FOXP1: variants seen among roughly 807,000 people sequenced by gnomAD.
FOXP1 encodes forkhead box protein P1.
Under a neutral mutation model 98.2 loss-of-function variants are expected in FOXP1, and 15 were observed. The observed-to-expected ratio is 0.15, with a 90% CI of 0.10 to 0.24. The LOEUF is 0.24. FOXP1 is among the 10% of genes least tolerant of loss of function. The pLI is 1.00. For synonymous variants in FOXP1, 371 were observed against 314.5 expected, an observed-to-expected ratio of 1.18 and a Z score of -1.90; for missense variants, 633 against 848.5, an observed-to-expected ratio of 0.75 and a Z score of 3.15.
chr3:71,503,491 C>T (rs112585820), intron 2 of FOXP1, among the ~76,000 whole-genome samples: 30 of 151,738 alleles, frequency 2.0e-4, no homozygotes, highest in African/African-American at 7.0e-4. Context: ...ATCTCAGATA[C>T]CCGGGAGGTT....
chr3:71,490,257 G>A (rs1319683805), intron 3 of FOXP1, among the ~76,000 whole-genome samples: 2 of 152,112 alleles, frequency 1.3e-5, no homozygotes, highest in African/African-American at 4.8e-5. Context: ...AGAACTTTGG[G>A]AGGCTCAGGT....
At chr3:71,054,016 A>G (rs1418668003) in intron 7 of FOXP1, among the ~76,000 whole-genome samples, 1 of 152,250 alleles carries the variant, frequency 6.6e-6, no homozygotes, top group Non-Finnish European at 1.5e-5. Context: ...CAAGCACACA[A>G]AAAGGACAAA....
chr3:71,169,742 T>G (rs1002379555), intron 6 of FOXP1, among the ~76,000 whole-genome samples: 23 of 150,742 alleles, frequency 1.5e-4, no homozygotes, highest in African/African-American at 5.1e-4. Flanking sequence ...CTTTAGGTTT[T>G]CAACATTAGG....
chr3:71,009,940 G>A (rs1184475141), intron 12 of FOXP1, among the ~76,000 whole-genome samples: 1 of 143,860 alleles, frequency 7.0e-6, no homozygotes, highest in African/African-American at 2.7e-5. Context: ...TTTTTTGGCA[G>A]AGATAGGGTC....
At chr3:71,118,026 A>T (rs1465753154) in intron 6 of FOXP1, among the ~76,000 whole-genome samples, 4 of 152,154 alleles carry the variant, frequency 2.6e-5, no homozygotes, top group Non-Finnish European at 5.9e-5. Context: ...CATCACTTTC[A>T]TCTCTTCTGT....
chr3:71,355,453 T>C (rs2078089714), intron 4 of FOXP1, among the ~76,000 whole-genome samples: 2 of 152,004 alleles, frequency 1.3e-5, no homozygotes, highest in Admixed American at 6.6e-5. Context: ...AGCAAAGGCA[T>C]GTTTAAGGGG....
intron 10 of FOXP1, among the ~76,000 whole-genome samples, chr3:71,042,411 C>T (rs1030981259): frequency 2.0e-5 from 3 of 152,124 alleles, no homozygotes; most frequent in Admixed American, 2.0e-4. Flanking sequence ...CTTTATCCTG[C>T]TGGCATGCCT....
chr3:71,241,364 T>C (rs565102520), intron 5 of FOXP1, among the ~76,000 whole-genome samples: 2 of 152,254 alleles, frequency 1.3e-5, no homozygotes, highest in Admixed American at 6.5e-5. Context: ...TTTTAAATAA[T>C]AGGTCCCAAG....
intron 4 of FOXP1, among the ~76,000 whole-genome samples, chr3:71,343,730 C>T (rs1383962867): frequency 6.6e-6 from 1 of 152,062 alleles, no homozygotes; most frequent in East Asian, 1.9e-4. Context: ...TGCGATTTCA[C>T]AAAGCCTAGA....
intron 11 of FOXP1, among the ~76,000 whole-genome samples, chr3:71,035,058 A>C (rs748292778): frequency 1.3e-5 from 2 of 152,144 alleles, no homozygotes; most frequent in East Asian, 3.9e-4. Context: ...TTGCTTCTCA[A>C]ACTTGAACAT....
chr3:71,417,137 C>A (rs1252765480), intron 3 of FOXP1, among the ~76,000 whole-genome samples: 2 of 152,086 alleles, frequency 1.3e-5, no homozygotes, highest in East Asian at 3.9e-4. Context: ...CACTTCAGAC[C>A]ACAGGTGGAG....
chr3:71,492,230 T>C (rs2091110851), intron 3 of FOXP1, among the ~76,000 whole-genome samples: 1 of 152,098 alleles, frequency 6.6e-6, no homozygotes. Context: ...GACGGGCGGA[T>C]CACCTGAGGT....
At chr3:71,091,954 G>A (rs992398805) in intron 7 of FOXP1, among the ~76,000 whole-genome samples, 4 of 152,056 alleles carry the variant, frequency 2.6e-5, no homozygotes, top group Non-Finnish European at 4.4e-5. Flanking sequence ...TTGGGAGGCC[G>A]AGGCAGGCAG....
chr3:71,502,980 G>GAAAAAAAA (rs3037713), intron 2 of FOXP1, among the ~76,000 whole-genome samples: 1 of 141,496 alleles, frequency 7.1e-6, no homozygotes, highest in Non-Finnish European at 1.5e-5. Flanking sequence ...TTTACAATTA[G>GAAAAAAAA]AAAAAAAAAA....
chr3:71,305,630 A>G (rs1288253126), intron 4 of FOXP1: 3 of 152,224 alleles, frequency 2.0e-5, no homozygotes, highest in Non-Finnish European at 4.4e-5. Flanking sequence ...AAAGAATAAT[A>G]AAGCTGCTCT....
chr3:71,450,822 A>G (rs1307296180), intron 3 of FOXP1, among the ~76,000 whole-genome samples: 1 of 151,948 alleles, frequency 6.6e-6, no homozygotes, highest in East Asian at 1.9e-4. Flanking sequence ...TATACTAAGC[A>G]AGAAGTAATT....
chr3:71,348,617 C>T (rs1023373070), intron 4 of FOXP1, among the ~76,000 whole-genome samples: 9 of 151,228 alleles, frequency 6.0e-5, no homozygotes, highest in South Asian at 4.2e-4. Context: ...TGTGTGCACA[C>T]GCATATGCAT....
chr3:71,168,600 C>T lies in FOXP1; in HGVS notation c.180+29602G>A, dbSNP rs113742484. On this transcript the variant is annotated intron_variant, in intron 6 of 20. Transcript: ENST00000649528. ...AAAACAAAATAACATTTCCCATCAG[C>T]ATTCCAGACAGAAAATTTACAGGAA... Among the ~76,000 whole-genome samples the T allele has an allele frequency of 3.9e-3, 598 of 152,338 alleles. 7 individuals carry two copies. The highest frequency in any genetic ancestry group is 4.8e-3 in the Non-Finnish European group (326 of 68,030).
intron 19 of FOXP1, among the ~76,000 whole-genome samples, chr3:70,967,639 C>A (rs1183092536): frequency 2.5e-5 from 2 of 81,514 alleles, no homozygotes; most frequent in East Asian, 6.9e-4. Context: ...TTCTTTCTTT[C>A]TTTTTGTTTT....
Sources: gnomAD v4.1 joint callset for allele counts (sites outside exome capture counted in the v4.1 genomes callset) on GRCh38, gnomAD v4.1.1 for gene constraint, MANE v1.5 for transcripts, NCBI Gene and HGNC (gene_info 2026-07-23, HGNC 2026-07-21) for gene names.